MED12L: variants seen among roughly 807,000 people sequenced by gnomAD.
MED12L encodes the protein mediator of RNA polymerase II transcription subunit 12-like protein.
MED12L carries 60 observed loss-of-function variants against 281.3 expected under a neutral mutation model. The ratio of observed to expected loss-of-function variants is 0.21; its 90% CI spans 0.17 to 0.26. The LOEUF is 0.26. MED12L is among the 10% of genes least tolerant of loss of function. MED12L has a pLI of 1.00. For missense variants in MED12L, 2,146 were observed against 2,680.9 expected (o/e 0.80, Z 4.41); for synonymous variants, 974 against 987.2 (o/e 0.99, Z 0.25).
rs1383726030 is a variant in MED12L at position 151,436,497 on chromosome 3, G to A, written c.*3693G>A. 2.2e-6 allele frequency: 1 copy of A among 462,934 alleles called. No homozygotes were observed. Among genetic ancestry groups the A allele is most frequent in the Non-Finnish European group, 3.7e-6 (1 of 266,688 alleles). 28.7% of individuals were successfully genotyped at this position (462,934 alleles called of 1,614,324 possible). On this transcript the variant is annotated 3_prime_UTR_variant, in exon 45 of 45. Transcript: ENST00000687756. ...GTGCCTTAAGTTAAAAGTTTGTTTT[G>A]AGATCCATTAAATAAATCAGTATCA...
At chr3:151,285,770 A>G (rs9859854) in intron 16 of MED12L, among the ~76,000 whole-genome samples, 16,891 of 152,200 alleles carry the variant, frequency 0.11, 1,243 homozygotes, top group Middle Eastern at 0.17. Flanking sequence ...GGAGGTGACT[A>G]GGCCATGAGG....
intron 2 of MED12L, among the ~76,000 whole-genome samples, chr3:151,102,143 CTTA>C (rs1235865389): frequency 6.6e-6 from 1 of 152,022 alleles, no homozygotes; most frequent in Non-Finnish European, 1.5e-5. Flanking sequence ...ACTTGAAGGT[CTTA>C]TTATTAAAAG....
intron 11 of MED12L, among the ~76,000 whole-genome samples, chr3:151,170,047 T>C (rs897393554): frequency 1.3e-4 from 20 of 152,322 alleles, no homozygotes; most frequent in Admixed American, 9.8e-4. Context: ...AACTTCTGTC[T>C]AAATGGGAGA....
rs754009722 is a variant in MED12L, at chr3:151,163,989, G to A, written c.1204G>A (p.Val402Met). The change falls in exon 9 of 45, where the codon GTG becomes ATG. Residue 402 changes from valine (V) to methionine (M), a missense_variant. By Grantham distance (21) the Val-to-Met change is conservative. Coordinates refer to ENST00000687756, the MANE Select transcript of MED12L (RefSeq NM_001393769.1). ...NPGSPLDLLQ[V>M]APSSLPMPGG... is the part of the protein sequence containing the mutation. The stretch of plus-strand genomic sequence containing the variant: ...AGGCTCACCCCTGGATCTGCTGCAG[G>A]TGGCCCCGTCCAGCCTCCCCATGCC... 35 of 1,613,646 alleles carry A rather than the reference G, an allele frequency of 2.2e-5. No homozygotes were observed. The highest frequency in any genetic ancestry group is 2.9e-5 in the Non-Finnish European group (34 of 1,179,844).
At chr3:151,161,784 C>T (rs144268985) in intron 8 of MED12L, among the ~76,000 whole-genome samples, 23 of 152,266 alleles carry the variant, frequency 1.5e-4, no homozygotes, top group African/African-American at 5.5e-4. Flanking sequence ...CCAGAGTCCA[C>T]ACTCAACCAC....
rs1465861488 is a variant in MED12L at position 151,370,872 on chromosome 3, T to G, written c.3664+1323T>G. ...ACCTTCTAGACACTGGCCCCATGATTTGTAGGATTAGTCTAATCTCAAGTA... is the reference window on the plus strand; with the variant it reads ...ACCTTCTAGACACTGGCCCCATGATGTGTAGGATTAGTCTAATCTCAAGTA... On this transcript the variant is annotated intron_variant, in intron 26 of 44. Coordinates refer to ENST00000687756, the MANE Select transcript of MED12L (RefSeq NM_001393769.1). Among the ~76,000 whole-genome samples, 9 of 152,200 alleles carry G rather than the reference T, an allele frequency of 5.9e-5. No individual in the cohort carries two copies. In the South Asian group the frequency reaches 1.7e-3, roughly 28 times the overall value.
At chr3:151,363,291 G>C (rs1216842795) in intron 21 of MED12L, among the ~76,000 whole-genome samples, 1 of 152,108 alleles carries the variant, frequency 6.6e-6, no homozygotes, top group Non-Finnish European at 1.5e-5. Flanking sequence ...AAGAAAAATG[G>C]GCAAACAAAA....
rs76529897 is a variant in MED12L, at chr3:151,309,703, T to A, written c.2251-40356T>A. 1.3e-4 allele frequency among the ~76,000 whole-genome samples: 20 copies of A among 152,290 alleles called. No homozygotes were observed. The East Asian group carries it at 2.9e-3, about 22-fold the overall frequency. On this transcript the variant is annotated intron_variant, in intron 16 of 44. Transcript: ENST00000687756. Reference sequence around the variant, plus strand: ...TTTCCCATACCTCCAGCTGTTGTATTCTATTTTTGTTGTTTGCCTGACTAC... The same window carrying A: ...TTTCCCATACCTCCAGCTGTTGTATACTATTTTTGTTGTTTGCCTGACTAC...
chr3:151,416,378 A>T lies in MED12L; in HGVS notation c.6364A>T (p.Ser2122Cys), dbSNP rs1717555078. ...GCCCCAGCAGTCCTCGCAGTCCCAG[A>T]GTCAGACCCTTGGTCTCCAAGCAAT... ...PQPQQSSQSQ[S>C]QTLGLQAMQP... The change falls in exon 43 of 45, where the codon AGT becomes TGT. Residue 2122 changes from serine (S) to cysteine (C), a missense_variant. Ser to Cys is a moderately radical substitution (Grantham distance 112). This residue lies in a region of MED12L where 496 missense variants were observed against 512.0 expected (regional missense o/e 0.97). Coordinates refer to ENST00000687756, the MANE Select transcript of MED12L (RefSeq NM_001393769.1). The T allele has an allele frequency of 6.2e-7, 1 of 1,612,164 alleles. No individual in the cohort carries two copies. The highest frequency in any genetic ancestry group is 8.5e-7 in the Non-Finnish European group (1 of 1,178,948).
intron 43 of MED12L, chr3:151,425,674 T>C: frequency 2.2e-6 from 1 of 456,694 alleles, no homozygotes; most frequent in Non-Finnish European, 4.4e-6. Context: ...AAGCTGGGTA[T>C]TCGGTCTTGT....
Position 151,434,740 on chromosome 3 carries a change from T to C in MED12L, c.*1936T>C, listed in dbSNP as rs1719906699. 1 of 152,248 alleles carries C rather than the reference T, an allele frequency of 6.6e-6. No individual in the cohort carries two copies. Among genetic ancestry groups the C allele is most frequent in the Non-Finnish European group, 1.5e-5 (1 of 68,036 alleles). The allele number at this position is 152,248 out of a possible 1,614,324, so 9.4% of individuals were successfully genotyped here. The stretch of plus-strand genomic sequence containing the variant: ...TTCCAAATTTCTTTGCCAGTTCAGT[T>C]TGAACCATATATTTTGTAGCTCAGC... On this transcript the variant is annotated 3_prime_UTR_variant, in exon 45 of 45. Coordinates refer to ENST00000687756, the MANE Select transcript of MED12L (RefSeq NM_001393769.1).
At position 151,432,768 on chromosome 3, in the gene MED12L, A is replaced by G. The variant is rs1308157194; in HGVS notation, c.6507A>G (p.Gln2169=). 4 of 1,613,292 alleles carry G rather than the reference A, an allele frequency of 2.5e-6. No homozygotes were observed. Among genetic ancestry groups the G allele is most frequent in the Non-Finnish European group, 3.4e-6 (4 of 1,179,620 alleles). ...QKQLSSNQPQ[Q]GVTPYGHPSH... ...TCTCCTTAGGCAACCAGCCACAGCA[A>G]GGAGTGACTCCGTATGGGCATCCTT... The change falls in exon 45 of 45, where the codon CAA becomes CAG. Residue 2169 remains glutamine, a synonymous_variant. Coordinates refer to ENST00000687756, the MANE Select transcript of MED12L (RefSeq NM_001393769.1).
At chr3:151,151,943 A>G (rs1249243463) in intron 5 of MED12L, among the ~76,000 whole-genome samples, 1 of 152,170 alleles carries the variant, frequency 6.6e-6, no homozygotes, top group Non-Finnish European at 1.5e-5. Flanking sequence ...TTTTAGATGG[A>G]TAAAGCACTG....
intron 2 of MED12L, among the ~76,000 whole-genome samples, chr3:151,097,094 G>A (rs1296576422): frequency 6.6e-6 from 1 of 152,152 alleles, no homozygotes; most frequent in African/African-American, 2.4e-5. Context: ...GATAGCTCTG[G>A]CATTGGCATT....
intron 16 of MED12L, chr3:151,197,735 A>T (rs1724868813): frequency 6.5e-6 from 1 of 152,676 alleles, no homozygotes. Context: ...TCAAAATAGA[A>T]ATGAGAAGTC....
At chr3:151,348,340 CAAAAAAAAAAAAAAAAAA>C in intron 16 of MED12L, among the ~76,000 whole-genome samples, 1 of 87,818 alleles carries the variant, frequency 1.1e-5, no homozygotes, top group African/African-American at 4.5e-5. Flanking sequence ...ACCACCAGAC[CAAAAAAAAAAAAAAAAAA>C]AAAAAGAAAA....
intron 16 of MED12L, among the ~76,000 whole-genome samples, chr3:151,331,970 G>A (rs2149886564): frequency 6.6e-6 from 1 of 152,260 alleles, no homozygotes; most frequent in East Asian, 1.9e-4. Flanking sequence ...CCATAGATAG[G>A]GTGACAGTGG....
intron 27 of MED12L, among the ~76,000 whole-genome samples, chr3:151,375,573 A>G (rs968559999): frequency 2.0e-5 from 3 of 152,200 alleles, no homozygotes; most frequent in Non-Finnish European, 2.9e-5. Context: ...AACATTATTC[A>G]TAATAGTATC....
At chr3:151,182,345 GGCTT>G in intron 11 of MED12L, among the ~76,000 whole-genome samples, 1 of 152,180 alleles carries the variant, frequency 6.6e-6, no homozygotes, top group Middle Eastern at 3.4e-3. Flanking sequence ...CCTGCTGAGT[GGCTT>G]TATTCATGAT....
Sources: gnomAD v4.1 joint callset for allele counts (sites outside exome capture counted in the v4.1 genomes callset) on GRCh38, gnomAD v4.1.1 for gene constraint, gnomAD v4.1.1 regional missense constraint, MANE v1.5 for transcripts, NCBI Gene and HGNC (gene_info 2026-07-23, HGNC 2026-07-21) for gene names.